Variants in FSTL5 observed in about 807,000 individuals in gnomAD.
The protein encoded by FSTL5 is follistatin-related protein 5.
A neutral mutation model predicts 89.1 loss-of-function variants in FSTL5; 62 were observed. The observed-to-expected ratio is 0.70, with a 90% CI of 0.57 to 0.86. The LOEUF is 0.86. Among genes scored for constraint, FSTL5 ranks in the 40% least tolerant of loss-of-function variants. FSTL5 has a pLI of 0.00. For synonymous variants in FSTL5, 383 were observed against 346.2 expected (o/e 1.11, Z -1.18); for missense variants, 1,057 against 1,001.6 (o/e 1.06, Z -0.75).
intron 4 of FSTL5, among the ~76,000 whole-genome samples, chr4:161,827,955 C>A (rs1192156280): frequency 2.6e-5 from 4 of 152,184 alleles, no homozygotes; most frequent in Non-Finnish European, 4.4e-5. Flanking sequence ...TTCACACCAT[C>A]CCCTGAGTTC....
At chr4:161,880,511 G>C (rs528907851) in intron 4 of FSTL5, among the ~76,000 whole-genome samples, 2 of 151,924 alleles carry the variant, frequency 1.3e-5, no homozygotes, top group Non-Finnish European at 2.9e-5. Context: ...TGACCTTAAC[G>C]TATACTTTCT....
intron 4 of FSTL5, among the ~76,000 whole-genome samples, chr4:161,850,070 A>G (rs143680662): frequency 0.015 from 2,350 of 152,248 alleles, 41 homozygotes; most frequent in South Asian, 0.047. Context: ...CAGTATTTAT[A>G]CCCTTTGAGG....
At chr4:161,485,046 A>C (rs1729632151) in intron 12 of FSTL5, among the ~76,000 whole-genome samples, 5 of 152,200 alleles carry the variant, frequency 3.3e-5, no homozygotes, top group Non-Finnish European at 7.3e-5. Context: ...TGAGATTCAA[A>C]TTTACAGAAA....
chr4:162,018,424 C>T (rs1204689927), intron 3 of FSTL5, among the ~76,000 whole-genome samples: 5 of 152,098 alleles, frequency 3.3e-5, no homozygotes, highest in African/African-American at 1.2e-4. Context: ...ATACCTAATA[C>T]TGTAGTTAAT....
intron 1 of FSTL5, among the ~76,000 whole-genome samples, chr4:162,142,318 T>C (rs1371765310): frequency 2.0e-5 from 3 of 152,182 alleles, no homozygotes; most frequent in African/African-American, 7.2e-5. Context: ...CATCTAATAG[T>C]TCAAGCATTA....
At chr4:161,503,147 A>G (rs1730358257) in intron 11 of FSTL5, among the ~76,000 whole-genome samples, 1 of 151,752 alleles carries the variant, frequency 6.6e-6, no homozygotes, top group African/African-American at 2.4e-5. Context: ...GATAATAATT[A>G]TACTATGTCA....
chr4:161,471,451 C>T (rs919924550), intron 13 of FSTL5, among the ~76,000 whole-genome samples: 20 of 152,212 alleles, frequency 1.3e-4, no homozygotes, highest in Non-Finnish European at 2.1e-4. Flanking sequence ...GAACTTGGTT[C>T]GCTAATATTT....
chr4:161,951,373 C>T (rs889570276), intron 3 of FSTL5, among the ~76,000 whole-genome samples: 1 of 152,068 alleles, frequency 6.6e-6, no homozygotes, highest in African/African-American at 2.4e-5. Flanking sequence ...AAGTATTCCA[C>T]CAGGATTAAA....
intron 5 of FSTL5, among the ~76,000 whole-genome samples, chr4:161,774,269 C>G (rs1168704539): frequency 1.3e-5 from 2 of 152,076 alleles, no homozygotes; most frequent in African/African-American, 4.8e-5. Context: ...TTAGGGCCAC[C>G]TGAAGCTGAA....
intron 7 of FSTL5, among the ~76,000 whole-genome samples, chr4:161,598,669 CTAGA>C (rs1200719472): frequency 6.6e-6 from 1 of 151,944 alleles, no homozygotes; most frequent in Non-Finnish European, 1.5e-5. Context: ...TATACGATAC[CTAGA>C]TAGCCATGTC....
intron 4 of FSTL5, among the ~76,000 whole-genome samples, chr4:161,906,292 G>A (rs1339077413): frequency 6.6e-6 from 1 of 152,096 alleles, no homozygotes. Context: ...TCCAGAGGGA[G>A]GAACAACGGC....
At chr4:161,678,887 T>G (rs1275385875) in intron 6 of FSTL5, among the ~76,000 whole-genome samples, 1 of 151,772 alleles carries the variant, frequency 6.6e-6, no homozygotes, top group Non-Finnish European at 1.5e-5. Context: ...GGGGTATTAA[T>G]GTCTTTTTAT....
intron 15 of FSTL5, among the ~76,000 whole-genome samples, chr4:161,397,029 C>T (rs1345217572): frequency 6.6e-6 from 1 of 152,094 alleles, no homozygotes; most frequent in African/African-American, 2.4e-5. Flanking sequence ...GGGAGTAGCA[C>T]TTTACAAGTG....
In FSTL5 at chr4:161,674,550, G is replaced by A. The variant is rs145702354; in HGVS notation, c.728-18056C>T. 6.0e-3 allele frequency among the ~76,000 whole-genome samples: 907 copies of A among 152,222 alleles called. 9 individuals carry two copies. The highest frequency in any genetic ancestry group is 0.045 in the South Asian group (219 of 4,822). On this transcript the variant is annotated intron_variant, in intron 6 of 15. Transcript: ENST00000306100. ...AAGAAAAACACTCCAAGACTCAACA[G>A]TCAGAACTGCATAGTATATCAACGT...
chr4:161,454,472 A>G (rs1040795289), intron 15 of FSTL5, among the ~76,000 whole-genome samples: 8 of 152,154 alleles, frequency 5.3e-5, no homozygotes, highest in Non-Finnish European at 1.0e-4. Flanking sequence ...TCTTTTCTCA[A>G]AGTGCAGACC....
intron 10 of FSTL5, among the ~76,000 whole-genome samples, chr4:161,531,145 T>C (rs1731400226): frequency 6.6e-6 from 1 of 152,186 alleles, no homozygotes; most frequent in African/African-American, 2.4e-5. Context: ...GCACATATTT[T>C]TTGTCATTCA....
chr4:162,055,863 T>G (rs552835407), intron 2 of FSTL5, among the ~76,000 whole-genome samples: 2 of 151,864 alleles, frequency 1.3e-5, no homozygotes, highest in Non-Finnish European at 2.9e-5. Context: ...ATAAATTATA[T>G]AATAAATGGC....
chr4:161,537,619 C>T (rs1731669966), intron 10 of FSTL5, among the ~76,000 whole-genome samples: 1 of 152,036 alleles, frequency 6.6e-6, no homozygotes, highest in Non-Finnish European at 1.5e-5. Flanking sequence ...ACAACATGAA[C>T]CATGATGGCA....
intron 1 of FSTL5, among the ~76,000 whole-genome samples, chr4:162,140,956 G>A (rs187569827): frequency 6.6e-6 from 1 of 151,796 alleles, no homozygotes. Flanking sequence ...TTGGTGGTAG[G>A]GCCTGGTGGG....
Sources: gnomAD v4.1 joint callset for allele counts (sites outside exome capture counted in the v4.1 genomes callset) on GRCh38, gnomAD v4.1.1 for gene constraint, MANE v1.5 for transcripts, NCBI Gene and HGNC (gene_info 2026-07-23, HGNC 2026-07-21) for gene names.